The following GRIN2C variants were observed in gnomAD, a reference collection of about 807,000 sequenced individuals.
GRIN2C encodes the protein glutamate ionotropic receptor NMDA type subunit 2C, also known as glutamate receptor ionotropic, NMDA 2C.
GRIN2C carries 64 observed loss-of-function variants against 77.7 expected under a neutral mutation model. The observed-to-expected ratio is 0.82, with a 90% confidence interval of 0.67 to 1.01. The LOEUF is 1.01. GRIN2C is among the 50% of genes least tolerant of loss of function. The pLI is 0.00. For synonymous variants in GRIN2C, 792 were observed against 643.4 expected (o/e 1.23, Z -3.49); for missense variants, 1,549 against 1,486.0 (o/e 1.04, Z -0.70).
In GRIN2C at chr17:74,850,368, G is replaced by A. The variant is rs145668808; in HGVS notation, c.1329C>T (p.Ser443=). 134 of 1,610,466 alleles carry A rather than the reference G, an allele frequency of 8.3e-5. 1 individual carries two copies. In the African/African-American group the frequency reaches 1.1e-3, roughly 13 times the overall value. The change falls in exon 6 of 13, where the codon AGC becomes AGT. Residue 443 remains serine, a synonymous_variant. Transcript: ENST00000293190. This position sits in a 1 kb window ranked among gnomAD's most constrained non-coding sequence, Gnocchi z 5.3. ...CRRQSNHTFS[S]GDVAPYTKLC... ...GCTTGGTGTAGGGGGCCACGTCCCC[G>A]CTGCTGCAGCCATGCCGCCATGAGA...
At chr17:74,858,746 C>A (rs762942459) in intron 1 of GRIN2C, among the ~76,000 whole-genome samples, 1 of 151,880 alleles carries the variant, frequency 6.6e-6, no homozygotes, top group Non-Finnish European at 1.5e-5. Context: ...TAGACAGAGC[C>A]CTCTGCACCC....
chr17:74,847,591 G>T lies in GRIN2C; in HGVS notation c.1772-54C>A. On this transcript the variant is annotated intron_variant, in intron 8 of 12. Transcript: ENST00000293190. The surrounding 1 kb of genome is among the most constrained non-coding windows in gnomAD (Gnocchi z 5.2). ...AGCTCCTCCTGCCCACCATGAAAGG[G>T]CTCAGGGCTCAGCCCACCCGACTGC... is the stretch of plus-strand genomic sequence containing the variant. 3 of 1,305,294 alleles carry T rather than the reference G, an allele frequency of 2.3e-6. No individual in the cohort carries two copies. In the South Asian group the frequency reaches 3.6e-5, roughly 16 times the overall value. The allele number at this position is 1,305,294 out of a possible 1,614,324, so 80.9% of individuals were successfully genotyped here.
intron 1 of GRIN2C, among the ~76,000 whole-genome samples, chr17:74,857,637 C>T (rs1187126306): frequency 2.0e-5 from 3 of 152,232 alleles, no homozygotes; most frequent in Non-Finnish European, 4.4e-5. Context: ...TCTGCCCACA[C>T]CTCCAGGTCC....
intron 2 of GRIN2C, chr17:74,853,163 C>G (rs1403751618): frequency 6.6e-6 from 1 of 152,244 alleles, no homozygotes; most frequent in East Asian, 1.9e-4. Flanking sequence ...CTCCTCCTCT[C>G]CACCCCTCTG....
chr17:74,854,347 C>A (rs2037749497), intron 2 of GRIN2C: 1 of 249,584 alleles, frequency 4.0e-6, no homozygotes, highest in African/African-American at 2.2e-5. Flanking sequence ...GCCCAGAGGG[C>A]ATGGCACCAC....
chr17:74,844,602 C>A, intron 11 of GRIN2C, 94 bp from the exon 12 acceptor site: 1 of 1,510,824 alleles, frequency 6.6e-7, no homozygotes. Flanking sequence ...AAGAAGGGAT[C>A]TGGGGCAGGG....
chr17:74,844,106 T>G (rs909292527), intron 12 of GRIN2C, 170 bp downstream of exon 12: 1 of 1,334,936 alleles, frequency 7.5e-7, no homozygotes, highest in Non-Finnish European at 9.9e-7. Context: ...ACTTCTGGAC[T>G]CAAGGGATCC....
At chr17:74,860,786 A>G (rs993341831), upstream of GRIN2C, 2 of 338,882 alleles carry the variant, frequency 5.9e-6, no homozygotes. Flanking sequence ...GGAAGGAGAG[A>G]GCTAGGCTGG....
intron 12 of GRIN2C, 29 bp downstream of exon 12, chr17:74,844,247 G>A (rs2037388718): frequency 1.2e-6 from 2 of 1,611,376 alleles, no homozygotes; most frequent in African/African-American, 2.7e-5. Flanking sequence ...TTAAAACTTT[G>A]GCCTGTGTGG....
At chr17:74,858,242 T>C (rs1330426454) in intron 1 of GRIN2C, among the ~76,000 whole-genome samples, 4 of 151,802 alleles carry the variant, frequency 2.6e-5, no homozygotes, top group Admixed American at 2.6e-4. Flanking sequence ...GGTCTGGTAA[T>C]AGCTGAAAAT....
Position 74,849,701 on chromosome 17 carries a change from C to T in GRIN2C, c.1645+79G>A. 7.3e-7 allele frequency: 1 copy of T among 1,375,860 alleles called. No homozygotes were observed. Among genetic ancestry groups the T allele is most frequent in the East Asian group, 2.4e-5 (1 of 42,368 alleles). 85.2% of individuals were successfully genotyped at this position (1,375,860 alleles called of 1,614,324 possible). A position where few individuals can be genotyped will look rare whatever the true frequency, so the allele number is the denominator to read the frequency against. ...GCCTGTGAGAGCCCACCCAACTCCC[C>T]ATCCCCACCCAAGCTGTACACACCC... On this transcript the variant is annotated intron_variant, in intron 7 of 12. Coordinates refer to ENST00000293190, the MANE Select transcript of GRIN2C (RefSeq NM_000835.6). The surrounding 1 kb of genome is among the most constrained non-coding windows in gnomAD (Gnocchi z 4.6).
chr17:74,843,483 G>C lies in GRIN2C; in HGVS notation c.2654C>G (p.Thr885Arg). ...SPPRQASPDL[T>R]ASSAQASVLK... ...CACGCTGGCCTGGGCCGAGCTGGCC[G>C]TGAGGTCCGGGCTGGCCTGCCGCGG... Residue 885 changes from threonine (T) to arginine (R), a missense_variant, in exon 13 of 13, where the codon ACG becomes AGG. Physicochemically the swap from Thr to Arg is moderately conservative, Grantham distance 71. Around this residue, in one of 3 missense-constraint regions of GRIN2C, gnomAD observed 450 missense variants for 267.9 expected, o/e 1.68. Coordinates refer to ENST00000293190, the MANE Select transcript of GRIN2C (RefSeq NM_000835.6). The C allele has an allele frequency of 6.5e-7, 1 of 1,534,016 alleles. No homozygotes were observed.
intron 4 of GRIN2C, chr17:74,851,066 C>T (rs7219247): frequency 0.28 from 133,250 of 467,806 alleles, 19,781 homozygotes; most frequent in East Asian, 0.43. Flanking sequence ...TGCTCCAAAC[C>T]CTTCTGCCCC....
chr17:74,850,811 G>GC lies in GRIN2C; in HGVS notation c.1114-45dup, dbSNP rs2144589738. ...TCAGCCTGGGGCCTCCAGCCCTACA[G>GC]CCCCCACCCTCTAGGTGGAGCCTGC... is the stretch of plus-strand genomic sequence containing the variant. On this transcript the variant is annotated intron_variant, in intron 4 of 12. Coordinates refer to ENST00000293190, the MANE Select transcript of GRIN2C (RefSeq NM_000835.6). The surrounding 1 kb of genome is among the most constrained non-coding windows in gnomAD (Gnocchi z 5.3). 1 of 1,500,380 alleles carries GC rather than the reference G, an allele frequency of 6.7e-7. No individual in the cohort carries two copies. The highest frequency in any genetic ancestry group is 1.4e-5 in the African/African-American group (1 of 72,568). The allele number at this position is 1,500,380 out of a possible 1,614,324, so 92.9% of individuals were successfully genotyped here. A position where few individuals can be genotyped will look rare whatever the true frequency, so the allele number is the denominator to read the frequency against.
chr17:74,846,743 C>A lies in GRIN2C; in HGVS notation c.2162+17G>T, dbSNP rs1339179054. The A allele has an allele frequency of 6.2e-7, 1 of 1,609,438 alleles. No individual in the cohort carries two copies. The highest frequency in any genetic ancestry group is 1.3e-5 in the African/African-American group (1 of 74,838). ...GACACACGGATGAAGACAGCGGGTG[C>A]AGGGCTGGGGACCCACCCCATCTTG... is the stretch of plus-strand genomic sequence containing the variant. On this transcript the variant is annotated intron_variant, in intron 10 of 12. Transcript: ENST00000293190. This position sits in a 1 kb window ranked among gnomAD's most constrained non-coding sequence, Gnocchi z 4.4.
In GRIN2C at chr17:74,859,193, C is replaced by T. The variant is rs972761902; in HGVS notation, c.-16+551G>A. Reference sequence around the variant, plus strand: ...CACCCACCCACTCAGGGTCTCACCCCTTCCACAAACAGCCCTTAAACTAAT... The same window carrying T: ...CACCCACCCACTCAGGGTCTCACCCTTTCCACAAACAGCCCTTAAACTAAT... On this transcript the variant is annotated intron_variant, in intron 1 of 12. Transcript: ENST00000293190. The surrounding 1 kb of genome is among the most constrained non-coding windows in gnomAD (Gnocchi z 5.9). 6.6e-6 allele frequency among the ~76,000 whole-genome samples: 1 copy of T among 152,210 alleles called. No homozygotes were observed. Among genetic ancestry groups the T allele is most frequent in the African/African-American group, 2.4e-5 (1 of 41,448 alleles).
rs1236394824 is a variant in GRIN2C, at chr17:74,846,296, G to A, written c.2163-43C>T. 2.5e-6 allele frequency: 4 copies of A among 1,573,200 alleles called. No homozygotes were observed. Among genetic ancestry groups the A allele is most frequent in the Non-Finnish European group, 3.5e-6 (4 of 1,145,126 alleles). ...CTCAGAGCTAGGGACCATATGGGAG[G>A]GGAGGGGACACCGAAACTGGGGCGT... On this transcript the variant is annotated intron_variant, in intron 10 of 12. Transcript: ENST00000293190. This position sits in a 1 kb window ranked among gnomAD's most constrained non-coding sequence, Gnocchi z 4.4.
chr17:74,849,696 C>A lies in GRIN2C; in HGVS notation c.1645+84G>T. The A allele has an allele frequency of 3.8e-6, 5 of 1,310,732 alleles. No homozygotes were observed. The highest frequency in any genetic ancestry group is 2.2e-5 in the Admixed American group (1 of 44,728). The allele number at this position is 1,310,732 out of a possible 1,614,324, so 81.2% of individuals were successfully genotyped here. On this transcript the variant is annotated intron_variant, in intron 7 of 12. Coordinates refer to ENST00000293190, the MANE Select transcript of GRIN2C (RefSeq NM_000835.6). This position sits in a 1 kb window ranked among gnomAD's most constrained non-coding sequence, Gnocchi z 4.6. ...GCTTGGCCTGTGAGAGCCCACCCAA[C>A]TCCCCATCCCCACCCAAGCTGTACA...
intron 1 of GRIN2C, among the ~76,000 whole-genome samples, chr17:74,858,708 C>T (rs979866438): frequency 2.0e-5 from 3 of 151,280 alleles, no homozygotes. Context: ...CTGGTGCCCA[C>T]AAATGAAGTC....
Sources: allele counts gnomAD v4.1 joint callset (sites outside exome capture counted in the v4.1 genomes callset), GRCh38; gene constraint gnomAD v4.1.1; regional missense constraint gnomAD v4.1.1; non-coding constraint Gnocchi (gnomAD v3.1); transcripts MANE v1.5; gene names NCBI Gene and HGNC (gene_info 2026-07-23, HGNC 2026-07-21).